The following CADPS variants were observed in gnomAD, a reference collection of about 807,000 sequenced individuals.
CADPS encodes calcium-dependent secretion activator 1.
Under a neutral mutation model 167.3 loss-of-function variants are expected in CADPS, and 57 were observed. The observed-to-expected ratio is 0.34, with a 90% CI of 0.28 to 0.42. The LOEUF is 0.42. Among genes scored for constraint, CADPS ranks in the 20% least tolerant of loss-of-function variants. The pLI, the probability that CADPS is intolerant of heterozygous loss-of-function variation, is 1.00. For missense variants in CADPS, 1,414 were observed against 1,738.1 expected (o/e 0.81, Z 3.32); for synonymous variants, 676 against 635.3 (o/e 1.06, Z -0.96).
intron 8 of CADPS, among the ~76,000 whole-genome samples, chr3:62,573,811 T>A (rs1436653753): frequency 6.6e-6 from 1 of 152,250 alleles, no homozygotes; most frequent in Non-Finnish European, 1.5e-5. Flanking sequence ...TTGTTCCTAC[T>A]GAACTGTGAG....
intron 18 of CADPS, among the ~76,000 whole-genome samples, chr3:62,496,907 AT>A (rs967870272): frequency 6.6e-5 from 10 of 152,198 alleles, no homozygotes; most frequent in African/African-American, 2.4e-4. Flanking sequence ...AAAATTTTTA[AT>A]TTTGGAAAGA....
intron 1 of CADPS, among the ~76,000 whole-genome samples, chr3:62,795,767 T>TTATGGACCACAGAAGGGCTCCTAAC (rs1225024009): frequency 5.9e-5 from 9 of 152,294 alleles, no homozygotes; most frequent in African/African-American, 2.2e-4. Context: ...ACTACTGGTA[T>TTATGGACCACAGAAGGGCTCCTAAC]TATGGACCAC....
intron 7 of CADPS, among the ~76,000 whole-genome samples, chr3:62,587,049 C>T (rs560176700): frequency 1.3e-5 from 2 of 152,188 alleles, no homozygotes; most frequent in Admixed American, 1.3e-4. Flanking sequence ...ACATCTTGTC[C>T]CATCTGATTA....
intron 4 of CADPS, among the ~76,000 whole-genome samples, chr3:62,652,399 CAAAAAAAAA>C (rs57075270): frequency 4.2e-5 from 5 of 120,238 alleles, no homozygotes; most frequent in Non-Finnish European, 6.8e-5. Flanking sequence ...TCTGTGTGGC[CAAAAAAAAA>C]AAAAAAAAAA....
intron 3 of CADPS, among the ~76,000 whole-genome samples, chr3:62,689,987 G>A (rs1260693368): frequency 6.6e-6 from 1 of 152,020 alleles, no homozygotes; most frequent in African/African-American, 2.4e-5. Flanking sequence ...AAGCTGGAAA[G>A]GAGTAATAAG....
intron 10 of CADPS, among the ~76,000 whole-genome samples, chr3:62,556,119 C>G (rs1577718145): frequency 6.6e-6 from 1 of 152,158 alleles, no homozygotes; most frequent in South Asian, 2.1e-4. Flanking sequence ...AAGAAGAACA[C>G]AAACCATCAC....
intron 28 of CADPS, among the ~76,000 whole-genome samples, chr3:62,435,087 T>C (rs561050778): frequency 2.9e-4 from 44 of 152,338 alleles, no homozygotes; most frequent in African/African-American, 7.2e-4. Context: ...TTTGCTATTA[T>C]TCATTTTTGC....
intron 3 of CADPS, among the ~76,000 whole-genome samples, chr3:62,673,997 C>G (rs889426094): frequency 6.6e-6 from 1 of 152,082 alleles, no homozygotes; most frequent in African/African-American, 2.4e-5. Context: ...TAAAAAATAC[C>G]TGCTCTTTAT....
chr3:62,713,081 A>C (rs2083722375), intron 3 of CADPS, among the ~76,000 whole-genome samples: 1 of 152,210 alleles, frequency 6.6e-6, no homozygotes. Flanking sequence ...TTTATACTGT[A>C]ATAATAATAC....
At chr3:62,679,057 C>T (rs931554547) in intron 3 of CADPS, among the ~76,000 whole-genome samples, 12 of 151,966 alleles carry the variant, frequency 7.9e-5, no homozygotes, top group Non-Finnish European at 1.6e-4. Context: ...CTGCTGCTTT[C>T]CACCAAGAAA....
chr3:62,663,045 T>C (rs2073647515), intron 3 of CADPS, among the ~76,000 whole-genome samples: 1 of 152,168 alleles, frequency 6.6e-6, no homozygotes. Flanking sequence ...CTGTTTTCAG[T>C]TTTTTCTATC....
intron 3 of CADPS, among the ~76,000 whole-genome samples, chr3:62,674,305 G>C (rs1292989418): frequency 6.6e-6 from 1 of 152,088 alleles, no homozygotes; most frequent in African/African-American, 2.4e-5. Context: ...TGTTTCCTTT[G>C]AGCAACATGT....
At chr3:62,473,493 T>C (rs2060876538) in intron 24 of CADPS, among the ~76,000 whole-genome samples, 1 of 152,242 alleles carries the variant, frequency 6.6e-6, no homozygotes, top group Non-Finnish European at 1.5e-5. Context: ...AATTGGTATA[T>C]GAATATCTAG....
At chr3:62,641,431 T>C (rs1248669550) in intron 6 of CADPS, among the ~76,000 whole-genome samples, 1 of 152,110 alleles carries the variant, frequency 6.6e-6, no homozygotes. Flanking sequence ...AAGGTAAGAG[T>C]GCCACCCTTT....
At chr3:62,768,146 A>T (rs1222646082) in intron 1 of CADPS, among the ~76,000 whole-genome samples, 1 of 152,202 alleles carries the variant, frequency 6.6e-6, no homozygotes, top group African/African-American at 2.4e-5. Flanking sequence ...AATCACAGTT[A>T]TTTTTTATGT....
Position 62,753,834 on chromosome 3 carries a change from C to A in CADPS, c.556-61G>T. ...AGTTTACCACAGAGGTACCAGTTCC[C>A]TGGGGCTGGACACTGGGCCAGTCCA... On this transcript the variant is annotated intron_variant, in intron 2 of 29. Transcript: ENST00000383710. The surrounding 1 kb of genome is among the most constrained non-coding windows in gnomAD (Gnocchi z 4.6). 6.7e-7 allele frequency: 1 copy of A among 1,494,058 alleles called. No homozygotes were observed. The highest frequency in any genetic ancestry group is 2.4e-5 in the East Asian group (1 of 42,364). 92.6% of individuals were successfully genotyped at this position (1,494,058 alleles called of 1,614,324 possible).
chr3:62,836,370 C>T (rs993434098), intron 1 of CADPS, among the ~76,000 whole-genome samples: 2 of 152,126 alleles, frequency 1.3e-5, no homozygotes, highest in African/African-American at 4.8e-5. Context: ...TGTCCCTGTC[C>T]TCCAATAGCA....
intron 1 of CADPS, among the ~76,000 whole-genome samples, chr3:62,843,204 A>G (rs2076889963): frequency 1.3e-5 from 2 of 152,208 alleles, no homozygotes; most frequent in Non-Finnish European, 1.5e-5. Context: ...AAAATGAAAT[A>G]ATCTTCCAAA....
chr3:62,704,656 A>T (rs1365178112), intron 3 of CADPS, among the ~76,000 whole-genome samples: 3 of 152,120 alleles, frequency 2.0e-5, no homozygotes, highest in Non-Finnish European at 4.4e-5. Context: ...GACAAATGCT[A>T]GGGATTATTT....
Sources: gnomAD v4.1 joint callset for allele counts (sites outside exome capture counted in the v4.1 genomes callset) on GRCh38, gnomAD v4.1.1 for gene constraint, Gnocchi (gnomAD v3.1) non-coding constraint, MANE v1.5 for transcripts, NCBI Gene and HGNC (gene_info 2026-07-23, HGNC 2026-07-21) for gene names.